SORCS3: variants seen among roughly 807,000 people sequenced by gnomAD.
The protein encoded by SORCS3 is sortilin related VPS10 domain containing receptor 3.
SORCS3 carries 57 observed loss-of-function variants against 146.3 expected under a neutral mutation model. That is an observed-to-expected ratio of 0.39 (90% CI 0.31 to 0.49). The LOEUF (loss-of-function observed/expected upper bound fraction) is 0.49. Among genes scored for constraint, SORCS3 ranks in the 20% least tolerant of loss-of-function variants. The pLI is 0.92. For synonymous variants in SORCS3, 653 were observed against 618.5 expected (o/e 1.06, Z -0.83); for missense variants, 1,341 against 1,575.5 (o/e 0.85, Z 2.52).
chr10:104,648,737 G>C (rs932296685), intron 1 of SORCS3, among the ~76,000 whole-genome samples: 2 of 152,160 alleles, frequency 1.3e-5, no homozygotes, highest in African/African-American at 4.8e-5. Flanking sequence ...GTGTAGTTTG[G>C]ATTTAATTAT....
At chr10:104,743,972 A>C (rs966338030) in intron 1 of SORCS3, among the ~76,000 whole-genome samples, 9 of 152,222 alleles carry the variant, frequency 5.9e-5, no homozygotes, top group Non-Finnish European at 8.8e-5. Context: ...AACAATAATA[A>C]TACTAAACTC....
chr10:105,136,009 A>G (rs1251745781), intron 7 of SORCS3, among the ~76,000 whole-genome samples: 1 of 152,142 alleles, frequency 6.6e-6, no homozygotes, highest in Non-Finnish European at 1.5e-5. Flanking sequence ...TTTTTTTTCT[A>G]GTATTCACTT....
At position 105,109,364 on chromosome 10, in the gene SORCS3, T is replaced by A. The variant is rs146941502; in HGVS notation, c.1212+3849T>A. 2.6e-3 allele frequency among the ~76,000 whole-genome samples: 396 copies of A among 152,224 alleles called. 4 individuals carry two copies. Among genetic ancestry groups the A allele is most frequent in the Non-Finnish European group, 6.5e-4 (44 of 67,982 alleles). On this transcript the variant is annotated intron_variant, in intron 7 of 26. Transcript: ENST00000369701. ...GTCAGATTCCTTTTTCCAACCCCAGTTTGTTGACGTCATCATTTTAGAGCA... is the reference window on the plus strand; with the variant it reads ...GTCAGATTCCTTTTTCCAACCCCAGATTGTTGACGTCATCATTTTAGAGCA...
At chr10:104,759,265 G>A (rs2017093228) in intron 1 of SORCS3, among the ~76,000 whole-genome samples, 1 of 152,192 alleles carries the variant, frequency 6.6e-6, no homozygotes, top group South Asian at 2.1e-4. Context: ...TTAAAAGGAA[G>A]CAACTCTGTC....
intron 1 of SORCS3, among the ~76,000 whole-genome samples, chr10:104,839,802 T>C (rs1316646644): frequency 6.6e-6 from 1 of 151,912 alleles, no homozygotes; most frequent in African/African-American, 2.4e-5. Context: ...TCAGGAAAAA[T>C]GCCCGTGAGA....
chr10:105,028,538 C>T (rs1207013292), intron 4 of SORCS3, among the ~76,000 whole-genome samples: 2 of 152,176 alleles, frequency 1.3e-5, no homozygotes, highest in African/African-American at 4.8e-5. Flanking sequence ...CCTTGTGAAT[C>T]TTGGTGGGTG....
intron 2 of SORCS3, among the ~76,000 whole-genome samples, chr10:104,892,236 G>T (rs1159604274): frequency 1.3e-5 from 2 of 152,184 alleles, no homozygotes; most frequent in African/African-American, 4.8e-5. Context: ...GCTCAGTGCT[G>T]TGTTTAGGGA....
intron 1 of SORCS3, among the ~76,000 whole-genome samples, chr10:104,726,462 G>A (rs1051921039): frequency 1.3e-5 from 2 of 152,120 alleles, no homozygotes; most frequent in Admixed American, 6.5e-5. Context: ...GTTGGGTAAG[G>A]CCTGCGTGTG....
intron 4 of SORCS3, among the ~76,000 whole-genome samples, chr10:104,997,693 TCTC>T (rs1441742062): frequency 3.9e-5 from 6 of 152,182 alleles, no homozygotes; most frequent in East Asian, 1.9e-4. Context: ...CACTTACAGA[TCTC>T]CTCTTCTTCA....
At chr10:105,245,168 T>G (rs1433305075) in intron 20 of SORCS3, among the ~76,000 whole-genome samples, 1 of 150,756 alleles carries the variant, frequency 6.6e-6, no homozygotes, top group Admixed American at 6.6e-5. Flanking sequence ...CAGTGAAATA[T>G]AGGATGAAAA....
chr10:105,186,113 C>T (rs900713102), intron 14 of SORCS3, among the ~76,000 whole-genome samples: 5 of 152,160 alleles, frequency 3.3e-5, no homozygotes, highest in African/African-American at 1.2e-4. Flanking sequence ...CAGGTACATA[C>T]ATGGAAGAAG....
At chr10:104,801,227 G>A (rs2017620001) in intron 1 of SORCS3, among the ~76,000 whole-genome samples, 1 of 152,060 alleles carries the variant, frequency 6.6e-6, no homozygotes, top group Non-Finnish European at 1.5e-5. Context: ...GAATCAAGAG[G>A]GCCTATTTCA....
intron 4 of SORCS3, among the ~76,000 whole-genome samples, chr10:105,019,052 G>C (rs1159800137): frequency 6.6e-6 from 1 of 151,878 alleles, no homozygotes. Flanking sequence ...TATTTTCATT[G>C]TTATCACCTC....
intron 5 of SORCS3, among the ~76,000 whole-genome samples, chr10:105,045,036 A>G (rs2055361050): frequency 6.6e-6 from 1 of 150,414 alleles, no homozygotes; most frequent in Non-Finnish European, 1.5e-5. Flanking sequence ...AAAAAAAAAA[A>G]AAAAAGAAAG....
In SORCS3 at chr10:105,263,718, C is replaced by G. The variant is rs1289516801; in HGVS notation, c.*344C>G. ...GGTTGGCTCTTTGTGAACCTCTCAT[C>G]CCCACAGCAGAATCACCAACACTCT... is the stretch of plus-strand genomic sequence containing the variant. On this transcript the variant is annotated 3_prime_UTR_variant, in exon 27 of 27. Coordinates refer to ENST00000369701, the MANE Select transcript of SORCS3 (RefSeq NM_014978.3). The G allele has an allele frequency of 1.5e-5, 4 of 259,522 alleles. No homozygotes were observed. The highest frequency in any genetic ancestry group is 2.3e-5 in the Non-Finnish European group (3 of 132,592). 16.1% of individuals were successfully genotyped at this position (259,522 alleles called of 1,614,324 possible). A position where few individuals can be genotyped will look rare whatever the true frequency, so the allele number is the denominator to read the frequency against.
rs560010612 is a variant in SORCS3, at chr10:104,868,583, C to T, written c.695+25724C>T. Among the ~76,000 whole-genome samples the T allele has an allele frequency of 9.8e-5, 15 of 152,320 alleles. No individual in the cohort carries two copies. In the South Asian group the frequency reaches 3.1e-3, roughly 32 times the overall value. ...ACTAGTCCAGTGATAGTTCCCCTGG[C>T]TCTGTTTTCCTGATGGCATCTCAGC... On this transcript the variant is annotated intron_variant, in intron 2 of 26. Transcript: ENST00000369701.
At chr10:105,041,543 A>T (rs1217005897) in intron 4 of SORCS3, among the ~76,000 whole-genome samples, 1 of 151,562 alleles carries the variant, frequency 6.6e-6, no homozygotes, top group Non-Finnish European at 1.5e-5. Flanking sequence ...ATATACATAT[A>T]TAAAACTGTC....
At chr10:104,980,224 G>T (rs2054924468) in intron 4 of SORCS3, among the ~76,000 whole-genome samples, 1 of 152,118 alleles carries the variant, frequency 6.6e-6, no homozygotes, top group African/African-American at 2.4e-5. Context: ...TATTCCTTAG[G>T]TACTCTTTCT....
At chr10:104,735,142 C>G (rs1051577857) in intron 1 of SORCS3, among the ~76,000 whole-genome samples, 1 of 152,180 alleles carries the variant, frequency 6.6e-6, no homozygotes, top group Non-Finnish European at 1.5e-5. Context: ...TGTTCCCTGC[C>G]GCTTGCCTTT....
Sources: gnomAD v4.1 joint callset for allele counts (sites outside exome capture counted in the v4.1 genomes callset) on GRCh38, gnomAD v4.1.1 for gene constraint, MANE v1.5 for transcripts, NCBI Gene and HGNC (gene_info 2026-07-23, HGNC 2026-07-21) for gene names.